Variants in ITSN2 observed in about 807,000 individuals in gnomAD.
ITSN2 encodes intersectin-2.
In ITSN2, 156 loss-of-function variants were observed where a neutral mutation model predicts 243.7. The observed-to-expected ratio is 0.64, with a 90% CI of 0.56 to 0.73. ITSN2 has a LOEUF of 0.73. ITSN2 is among the 30% of genes least tolerant of loss of function. The probability of loss-of-function intolerance (pLI) is 0.00; values close to 1 mark genes in which losing one functional copy is unlikely to be tolerated. For missense variants in ITSN2, 1,801 were observed against 1,996.1 expected (o/e 0.90, Z 1.86); for synonymous variants, 703 against 699.9 (o/e 1.00, Z -0.07).
chr2:24,227,876 G>A (rs983863994), intron 29 of ITSN2, among the ~76,000 whole-genome samples: 1 of 152,092 alleles, frequency 6.6e-6, no homozygotes, highest in African/African-American at 2.4e-5. Flanking sequence ...CCAAGATCGT[G>A]CCATTGCACT....
chr2:24,274,775 T>C (rs1464899431), intron 18 of ITSN2, among the ~76,000 whole-genome samples: 1 of 152,198 alleles, frequency 6.6e-6, no homozygotes. Context: ...TGTGTCTTCC[T>C]TGCCTCCCTA....
intron 1 of ITSN2, among the ~76,000 whole-genome samples, chr2:24,352,666 C>G (rs1688127339): frequency 6.6e-6 from 1 of 152,022 alleles, no homozygotes; most frequent in Non-Finnish European, 1.5e-5. Context: ...TCAAAAAAAT[C>G]AACCAATAAG....
chr2:24,301,296 A>T, intron 10 of ITSN2, 57 bp from the exon 11 acceptor site: 1 of 1,004,550 alleles, frequency 1.0e-6, no homozygotes, highest in Non-Finnish European at 1.5e-6. Flanking sequence ...TTCAGACTAG[A>T]TTACACAGAC....
At chr2:24,353,127 CAAACTT>C (rs1688165606) in intron 1 of ITSN2, among the ~76,000 whole-genome samples, 1 of 152,026 alleles carries the variant, frequency 6.6e-6, no homozygotes, top group African/African-American at 2.4e-5. Context: ...TCCTTGAAAA[CAAACTT>C]AAAAGGTAAA....
At chr2:24,203,997 AGAATGCTCCAGGAG>A (rs1215561358) in intron 39 of ITSN2, 2 of 634,302 alleles carry the variant, frequency 3.2e-6, no homozygotes, top group Non-Finnish European at 5.4e-6. Context: ...CTCCATTCTG[AGAATGCTCCAGGAG>A]TGGTGTTCAC....
At chr2:24,206,611 C>T (rs1668914207) in intron 37 of ITSN2, among the ~76,000 whole-genome samples, 1 of 152,122 alleles carries the variant, frequency 6.6e-6, no homozygotes, top group South Asian at 2.1e-4. Flanking sequence ...ATTGCGGCTC[C>T]ACTGAGCAGG....
Position 24,248,622 on chromosome 2 carries a change from A to C in ITSN2, c.3288+7T>G, listed in dbSNP as rs1208090105. On this transcript the variant is annotated splice_region_variant and intron_variant, in intron 27 of 39. Transcript: ENST00000355123. ...AAAATTTATAGATGCTATTTAAAGAATATTACCTGTAACTCTCCTTGCCAC... is the reference window on the plus strand; with the variant it reads ...AAAATTTATAGATGCTATTTAAAGACTATTACCTGTAACTCTCCTTGCCAC... The C allele has an allele frequency of 1.3e-6, 2 of 1,592,904 alleles. No homozygotes were observed. Among genetic ancestry groups the C allele is most frequent in the East Asian group, 2.2e-5 (1 of 44,696 alleles).
chr2:24,270,800 C>G, intron 19 of ITSN2, 32 bp from the exon 20 acceptor site: 1 of 1,160,132 alleles, frequency 8.6e-7, no homozygotes, highest in Non-Finnish European at 1.3e-6. Flanking sequence ...TTATTTGCAA[C>G]TTACATGTAT....
intron 3 of ITSN2, among the ~76,000 whole-genome samples, chr2:24,314,557 T>C (rs538495501): frequency 5.6e-4 from 86 of 152,350 alleles, no homozygotes; most frequent in Non-Finnish European, 1.2e-3. Context: ...GCATAGCATC[T>C]GGTATATAGT....
chr2:24,272,079 A>C (rs1677429011), intron 18 of ITSN2, 138 bp from the exon 19 acceptor site: 1 of 639,056 alleles, frequency 1.6e-6, no homozygotes, highest in Admixed American at 3.3e-5. Flanking sequence ...GAAACTGCTG[A>C]GATCAGAGGT....
chr2:24,264,121 G>T (rs1262502604), intron 20 of ITSN2, among the ~76,000 whole-genome samples: 1 of 152,164 alleles, frequency 6.6e-6, no homozygotes, highest in Non-Finnish European at 1.5e-5. Flanking sequence ...GCTGGGCACG[G>T]TGGCTCATGC....
At position 24,308,586 on chromosome 2, in the gene ITSN2, T is replaced by C. The variant is rs1423445817; in HGVS notation, c.793+31A>G. 3.8e-6 allele frequency: 5 copies of C among 1,327,260 alleles called. No individual in the cohort carries two copies. The African/African-American group carries it at 6.0e-5, about 16-fold the overall frequency. 82.2% of individuals were successfully genotyped at this position (1,327,260 alleles called of 1,614,324 possible). A position where few individuals can be genotyped will look rare whatever the true frequency, so the allele number is the denominator to read the frequency against. ...TGGAAGTCCACATAAAAGACCCTTT[T>C]TCATGCTCTTCAGCACTGTATGCTG... On this transcript the variant is annotated intron_variant, in intron 8 of 39. Transcript: ENST00000355123.
chr2:24,302,194 T>C, intron 9 of ITSN2, 92 bp from the exon 10 acceptor site: 1 of 623,594 alleles, frequency 1.6e-6, no homozygotes, highest in Non-Finnish European at 2.3e-6. Flanking sequence ...CTTTTATTTA[T>C]TTATTTATTT....
chr2:24,208,395 A>G lies in ITSN2; in HGVS notation c.4596-76T>C, dbSNP rs1669134747. The G allele has an allele frequency of 2.8e-6, 3 of 1,076,694 alleles. No homozygotes were observed. The South Asian group carries it at 3.8e-5, about 14-fold the overall frequency. The allele number at this position is 1,076,694 out of a possible 1,614,324, so 66.7% of individuals were successfully genotyped here. A position where few individuals can be genotyped will look rare whatever the true frequency, so the allele number is the denominator to read the frequency against. On this transcript the variant is annotated intron_variant, in intron 36 of 39. Coordinates refer to ENST00000355123, the MANE Select transcript of ITSN2 (RefSeq NM_006277.3). ...AGCGTGGAGCCCCAGAGCTCTGCAC[A>G]TGTTCTTCAGTCTTTTGCTAACCTC...
At position 24,204,401 on chromosome 2, in the gene ITSN2, A is replaced by G. The variant is rs1346853949; in HGVS notation, c.4780T>C (p.Cys1594Arg). The change falls in exon 39 of 40, where the codon TGT becomes CGT. Residue 1594 changes from cysteine (C) to arginine (R), a missense_variant. Transcript: ENST00000355123. The surrounding 1 kb of genome is among the most constrained non-coding windows in gnomAD (Gnocchi z 5.1). The stretch of plus-strand genomic sequence containing the variant: ...CTCTGGGAGCCCATGCTGATTTCAC[A>G]GTATGGGTTGCTCTTTCCTGAACAA... ...CKPNGKSNPY[C>R]EISMGSQSYT... The G allele has an allele frequency of 1.2e-6, 2 of 1,614,150 alleles. No homozygotes were observed. Among genetic ancestry groups the G allele is most frequent in the Admixed American group, 1.7e-5 (1 of 60,018 alleles).
chr2:24,360,131 C>A (rs991761302), intron 1 of ITSN2, among the ~76,000 whole-genome samples, 173 bp downstream of exon 1: 1 of 152,080 alleles, frequency 6.6e-6, no homozygotes, highest in African/African-American at 2.4e-5. Flanking sequence ...CCGCCCCGCA[C>A]GGCCGAGCCC....
intron 2 of ITSN2, among the ~76,000 whole-genome samples, chr2:24,316,841 C>A (rs992501239): frequency 6.6e-6 from 1 of 152,172 alleles, no homozygotes; most frequent in Non-Finnish European, 1.5e-5. Context: ...GGCACTGTGA[C>A]TGATGATTCT....
chr2:24,259,597 T>C (rs531275012), intron 22 of ITSN2, among the ~76,000 whole-genome samples: 2 of 152,230 alleles, frequency 1.3e-5, no homozygotes, highest in African/African-American at 4.8e-5. Flanking sequence ...CCATGAATCC[T>C]GTATTCCAGC....
intron 7 of ITSN2, among the ~76,000 whole-genome samples, chr2:24,310,063 A>T (rs1683061484): frequency 6.6e-6 from 1 of 152,204 alleles, no homozygotes; most frequent in Non-Finnish European, 1.5e-5. Context: ...TTTAGTTTAC[A>T]TGAATTATTT....
Sources: allele counts gnomAD v4.1 joint callset (sites outside exome capture counted in the v4.1 genomes callset), GRCh38; gene constraint gnomAD v4.1.1; non-coding constraint Gnocchi (gnomAD v3.1); transcripts MANE v1.5; gene names NCBI Gene and HGNC (gene_info 2026-07-23, HGNC 2026-07-21).